SDK1: variants seen among roughly 807,000 people sequenced by gnomAD.
SDK1 encodes sidekick cell adhesion molecule 1, also known as protein sidekick-1.
Under a neutral mutation model 245.5 loss-of-function variants are expected in SDK1, and 157 were observed. That is an observed-to-expected ratio of 0.64 (90% CI 0.56 to 0.73). The LOEUF is 0.73. SDK1 is among the 30% of genes least tolerant of loss of function. The probability of loss-of-function intolerance (pLI) is 0.00; values close to 1 mark genes in which losing one functional copy is unlikely to be tolerated. For synonymous variants in SDK1, 1,647 were observed against 1,278.5 expected (o/e 1.29, Z -6.15); for missense variants, 3,583 against 3,002.3 (o/e 1.19, Z -4.52).
chr7:3,537,327 C>T (rs890559376), intron 1 of SDK1, among the ~76,000 whole-genome samples: 10 of 152,194 alleles, frequency 6.6e-5, no homozygotes, highest in African/African-American at 2.4e-4. Flanking sequence ...GTCTATGTAA[C>T]TGGCCCTAAG....
At chr7:4,067,151 C>T (rs1412609899) in intron 19 of SDK1, among the ~76,000 whole-genome samples, 4 of 152,194 alleles carry the variant, frequency 2.6e-5, no homozygotes, top group Admixed American at 1.3e-4. Flanking sequence ...ACTAAGGTGT[C>T]GAGAGTGTAA....
intron 5 of SDK1, among the ~76,000 whole-genome samples, chr7:3,932,991 G>A (rs1354853188): frequency 6.6e-6 from 1 of 152,070 alleles, no homozygotes; most frequent in Non-Finnish European, 1.5e-5. Context: ...GCTGAGCCCA[G>A]AACCTGCCCT....
At position 3,924,626 on chromosome 7, in the gene SDK1, G is replaced by A. The variant is rs74411287; in HGVS notation, c.848-26297G>A. On this transcript the variant is annotated intron_variant, in intron 5 of 44. Transcript: ENST00000404826. ...GTTTGGGACATTTCGCCAGCTTCCC[G>A]GAGAAACAGCCCTTTTTCCTCGGCC... 6.4e-3 allele frequency among the ~76,000 whole-genome samples: 970 copies of A among 152,262 alleles called. 5 individuals carry two copies. Among genetic ancestry groups the A allele is most frequent in the Middle Eastern group, 0.014 (4 of 294 alleles).
intron 5 of SDK1, among the ~76,000 whole-genome samples, chr7:3,853,110 T>C (rs916953167): frequency 2.0e-5 from 3 of 151,802 alleles, no homozygotes; most frequent in Non-Finnish European, 4.4e-5. Flanking sequence ...AGGCTTCACA[T>C]CCTGTGAATA....
chr7:3,724,553 C>A (rs1333778932), intron 4 of SDK1, among the ~76,000 whole-genome samples: 1 of 152,060 alleles, frequency 6.6e-6, no homozygotes, highest in Non-Finnish European at 1.5e-5. Context: ...TTCCAAGGGG[C>A]CTAATATTGA....
At chr7:4,122,378 G>C (rs995218641) in intron 25 of SDK1, among the ~76,000 whole-genome samples, 2 of 152,180 alleles carry the variant, frequency 1.3e-5, no homozygotes, top group African/African-American at 4.8e-5. Flanking sequence ...GAGTGGACCT[G>C]ATGGAGAGGG....
At chr7:3,538,670 G>A (rs554731911) in intron 1 of SDK1, among the ~76,000 whole-genome samples, 1 of 152,168 alleles carries the variant, frequency 6.6e-6, no homozygotes, top group Admixed American at 6.5e-5. Flanking sequence ...TGGTTTCCTC[G>A]TGTCTGCCCA....
At chr7:4,144,851 T>C (rs1030534885) in intron 28 of SDK1, among the ~76,000 whole-genome samples, 1 of 152,050 alleles carries the variant, frequency 6.6e-6, no homozygotes, top group African/African-American at 2.4e-5. Flanking sequence ...ACTCCAGCAG[T>C]TGATTTTTTT....
rs1298716529 is a variant in SDK1, at chr7:4,076,980, G to T, written c.3011-18G>T. ...GCCTTCAGGAGACCAACACTGGTCT[G>T]GTCCTGTTGCTTTCTAGGCTATCAG... is the stretch of plus-strand genomic sequence containing the variant. On this transcript the variant is annotated intron_variant, in intron 20 of 44. Transcript: ENST00000404826. 4 of 1,611,476 alleles carry T rather than the reference G, an allele frequency of 2.5e-6. No homozygotes were observed. The highest frequency in any genetic ancestry group is 3.4e-6 in the Non-Finnish European group (4 of 1,178,868).
At chr7:3,568,886 A>G (rs907817231) in intron 1 of SDK1, among the ~76,000 whole-genome samples, 1 of 152,210 alleles carries the variant, frequency 6.6e-6, no homozygotes, top group African/African-American at 2.4e-5. Context: ...AATAGACAGA[A>G]AATATTTTCC....
chr7:4,198,251 C>T (rs1326875690), intron 35 of SDK1, among the ~76,000 whole-genome samples: 3 of 152,232 alleles, frequency 2.0e-5, no homozygotes, highest in African/African-American at 7.2e-5. Context: ...TCACACACCC[C>T]CCTCATTTGC....
chr7:3,330,807 TAAAAAAA>T (rs35013618), intron 1 of SDK1, among the ~76,000 whole-genome samples: 1 of 115,374 alleles, frequency 8.7e-6, no homozygotes, highest in East Asian at 2.6e-4. Context: ...CCATTTCGCT[TAAAAAAA>T]AAAAAAAAAA....
chr7:4,044,439 G>A (rs1047273665), intron 17 of SDK1, among the ~76,000 whole-genome samples: 50 of 146,886 alleles, frequency 3.4e-4, no homozygotes, highest in African/African-American at 1.4e-3. Flanking sequence ...AGAATATGCA[G>A]CATTTTGCTT....
At chr7:3,643,433 C>G (rs151273186) in intron 4 of SDK1, 2 of 143,918 alleles carry the variant, frequency 1.4e-5, no homozygotes, top group East Asian at 2.2e-4. Context: ...CTCCTACCCC[C>G]ACCTGAGCAT....
chr7:4,060,464 C>A (rs914638066), intron 19 of SDK1, among the ~76,000 whole-genome samples: 4 of 152,048 alleles, frequency 2.6e-5, no homozygotes, highest in African/African-American at 9.7e-5. Context: ...TGTTCATGTC[C>A]TTTGCCCACT....
intron 9 of SDK1, among the ~76,000 whole-genome samples, 176 bp downstream of exon 9, chr7:3,963,027 C>T (rs946017529): frequency 7.5e-6 from 1 of 133,698 alleles, no homozygotes; most frequent in Non-Finnish European, 1.6e-5. Flanking sequence ...ACTGGGTACA[C>T]CCAGGCTCAC....
At chr7:3,444,025 G>A (rs764592963) in intron 1 of SDK1, among the ~76,000 whole-genome samples, 2 of 152,222 alleles carry the variant, frequency 1.3e-5, no homozygotes, top group Non-Finnish European at 2.9e-5. Context: ...ATTCAAGAGA[G>A]GCGGTTGTGC....
At chr7:4,010,557 A>G (rs1391552969) in intron 14 of SDK1, among the ~76,000 whole-genome samples, 1 of 152,194 alleles carries the variant, frequency 6.6e-6, no homozygotes, top group African/African-American at 2.4e-5. Context: ...ATGTTAATGA[A>G]TATAGTTTTT....
intron 1 of SDK1, among the ~76,000 whole-genome samples, chr7:3,351,227 C>G (rs1364375145): frequency 2.0e-5 from 3 of 152,006 alleles, no homozygotes; most frequent in Non-Finnish European, 4.4e-5. Flanking sequence ...ATTTTATGTC[C>G]TATGTTTTGC....
Sources: gnomAD v4.1 joint callset for allele counts (sites outside exome capture counted in the v4.1 genomes callset) on GRCh38, gnomAD v4.1.1 for gene constraint, MANE v1.5 for transcripts, NCBI Gene and HGNC (gene_info 2026-07-23, HGNC 2026-07-21) for gene names.